The following AK5 variants were observed in gnomAD, a reference collection of about 807,000 sequenced individuals.
AK5 encodes adenylate kinase isoenzyme 5.
Under a neutral mutation model 69.5 loss-of-function variants are expected in AK5, and 27 were observed. The ratio of observed to expected loss-of-function variants is 0.39; its 90% CI spans 0.29 to 0.54. The LOEUF (loss-of-function observed/expected upper bound fraction) is 0.54. Among genes scored for constraint, AK5 ranks in the 20% least tolerant of loss-of-function variants. The probability of loss-of-function intolerance (pLI) is 0.71; values close to 1 mark genes in which losing one functional copy is unlikely to be tolerated. For synonymous variants in AK5, 260 were observed against 244.4 expected (o/e 1.06, Z -0.60); for missense variants, 531 against 700.4 (o/e 0.76, Z 2.73).
intron 8 of AK5, among the ~76,000 whole-genome samples, chr1:77,430,640 G>A (rs527456413): frequency 7.9e-5 from 12 of 152,126 alleles, no homozygotes; most frequent in East Asian, 1.9e-4. Context: ...GCTGAACACC[G>A]AGGAAATTTA....
At chr1:77,367,557 T>TATATA (rs1557532485) in intron 6 of AK5, among the ~76,000 whole-genome samples, 5 of 59,404 alleles carry the variant, frequency 8.4e-5, no homozygotes, top group African/African-American at 4.4e-4. Context: ...TATGTTATTT[T>TATATA]TATATATATA....
At chr1:77,513,694 G>A (rs139069717) in intron 10 of AK5, among the ~76,000 whole-genome samples, 378 of 152,252 alleles carry the variant, frequency 2.5e-3, no homozygotes, top group African/African-American at 8.7e-3. Flanking sequence ...ACAAAAATTA[G>A]CCAGGAGTGG....
At chr1:77,369,426 C>T (rs1647078451) in intron 6 of AK5, among the ~76,000 whole-genome samples, 1 of 152,072 alleles carries the variant, frequency 6.6e-6, no homozygotes. Context: ...GCAGATGCTC[C>T]TATTATTTTT....
chr1:77,381,666 C>G (rs138655475), intron 6 of AK5, among the ~76,000 whole-genome samples: 1 of 152,168 alleles, frequency 6.6e-6, no homozygotes, highest in Admixed American at 6.5e-5. Flanking sequence ...CAAAGGAAAT[C>G]TGAACAATTT....
intron 5 of AK5, among the ~76,000 whole-genome samples, chr1:77,300,617 T>A (rs879319483): frequency 1.3e-5 from 2 of 152,182 alleles, no homozygotes; most frequent in Admixed American, 6.5e-5. Flanking sequence ...ACACCAGTTC[T>A]CCAATTCTCC....
chr1:77,440,191 TG>T (rs1233396850), intron 8 of AK5, among the ~76,000 whole-genome samples: 1 of 152,192 alleles, frequency 6.6e-6, no homozygotes, highest in Non-Finnish European at 1.5e-5. Flanking sequence ...TCTCAGTTTT[TG>T]GTTGTCTGGG....
intron 5 of AK5, among the ~76,000 whole-genome samples, chr1:77,329,197 A>G (rs1402860681): frequency 6.8e-6 from 1 of 146,774 alleles, no homozygotes; most frequent in East Asian, 2.0e-4. Context: ...CCTCAGTGAA[A>G]AAAAAAAAAA....
chr1:77,285,638 T>G (rs957616626), intron 1 of AK5, among the ~76,000 whole-genome samples: 14 of 152,224 alleles, frequency 9.2e-5, no homozygotes, highest in African/African-American at 3.4e-4. Flanking sequence ...GGAATCAGCA[T>G]TTCCAAACTG....
At position 77,306,511 on chromosome 1, in the gene AK5, T is replaced by G. The variant is rs1296506081; in HGVS notation, c.699+8564T>G. Reference sequence around the variant, plus strand: ...TTTTTTTTGTTTTTTTTTTTTTTTTTGAGGATTTTTGCATCAGTATTCATC... The same window carrying G: ...TTTTTTTTGTTTTTTTTTTTTTTTTGGAGGATTTTTGCATCAGTATTCATC... On this transcript the variant is annotated intron_variant, in intron 5 of 13. Transcript: ENST00000354567. Among the ~76,000 whole-genome samples, 5 of 117,848 alleles carry G rather than the reference T, an allele frequency of 4.2e-5. No homozygotes were observed. In the East Asian group the frequency reaches 9.9e-4, roughly 23 times the overall value. 77.3% of individuals were successfully genotyped at this position (117,848 alleles called of 152,430 possible).
chr1:77,516,060 C>A (rs1453719642), intron 10 of AK5, among the ~76,000 whole-genome samples: 1 of 151,710 alleles, frequency 6.6e-6, no homozygotes, highest in East Asian at 1.9e-4. Context: ...CAGAGCAAGA[C>A]CCTATCTCAA....
chr1:77,503,899 C>CAA (rs147784897), intron 10 of AK5, among the ~76,000 whole-genome samples: 381 of 135,264 alleles, frequency 2.8e-3, no homozygotes, highest in South Asian at 0.011. Flanking sequence ...GAGACTGTCT[C>CAA]AAAAAAAAAA....
intron 10 of AK5, among the ~76,000 whole-genome samples, chr1:77,517,762 A>G (rs938682671): frequency 1.3e-5 from 2 of 152,202 alleles, no homozygotes; most frequent in Admixed American, 6.5e-5. Context: ...TAATCTTCAA[A>G]TGTGTCAAGG....
intron 8 of AK5, among the ~76,000 whole-genome samples, chr1:77,476,898 C>T (rs1231293535): frequency 8.9e-6 from 1 of 112,804 alleles, no homozygotes; most frequent in East Asian, 2.5e-4. Flanking sequence ...AGGTGTTTTG[C>T]TGTTTTTTTA....
rs915190101 is a variant in AK5, at chr1:77,308,456, A to C, written c.699+10509A>C. ...TGTCTCAAAAAAAAAAAAAAAAAAA[A>C]AATCTTTTTCTCATCTTTTGGCCTG... is the stretch of plus-strand genomic sequence containing the variant. On this transcript the variant is annotated intron_variant, in intron 5 of 13. Coordinates refer to ENST00000354567, the MANE Select transcript of AK5 (RefSeq NM_174858.3). 6.0e-3 allele frequency among the ~76,000 whole-genome samples: 764 copies of C among 127,594 alleles called. 11 individuals carry two copies. The highest frequency in any genetic ancestry group is 0.02 in the African/African-American group (708 of 35,368). The allele number at this position is 127,594 out of a possible 152,430, so 83.7% of individuals were successfully genotyped here. A position where few individuals can be genotyped will look rare whatever the true frequency, so the allele number is the denominator to read the frequency against.
chr1:77,538,933 T>C (rs1194005914), intron 13 of AK5, among the ~76,000 whole-genome samples: 1 of 152,246 alleles, frequency 6.6e-6, no homozygotes, highest in Non-Finnish European at 1.5e-5. Flanking sequence ...TTTAAAGATC[T>C]TCATTGGCTT....
chr1:77,382,360 T>C (rs1428766897), intron 6 of AK5, among the ~76,000 whole-genome samples: 2 of 152,074 alleles, frequency 1.3e-5, no homozygotes, highest in Non-Finnish European at 2.9e-5. Flanking sequence ...AAATTTTTCA[T>C]TTGTTTTAGA....
rs541392827 is a variant in AK5 at position 77,464,496 on chromosome 1, G to C, written c.1060-18821G>C. Among the ~76,000 whole-genome samples, 4 of 152,298 alleles carry C rather than the reference G, an allele frequency of 2.6e-5. No individual in the cohort carries two copies. In the East Asian group the frequency reaches 7.7e-4, roughly 29 times the overall value. The stretch of plus-strand genomic sequence containing the variant: ...TCCAGTGGGGGAAGAAGAGTGACTT[G>C]AGTTCAGTCTTAAAATGAGTCTTTT... On this transcript the variant is annotated intron_variant, in intron 8 of 13. Transcript: ENST00000354567.
At chr1:77,546,826 C>T (rs10782654) in intron 13 of AK5, among the ~76,000 whole-genome samples, 92,201 of 152,026 alleles carry the variant, frequency 0.61, 30,625 homozygotes, top group Non-Finnish European at 0.74. Context: ...GCACAGAGCT[C>T]GGGCCTGGGA....
chr1:77,353,153 A>G (rs1662302833), intron 6 of AK5, among the ~76,000 whole-genome samples: 1 of 152,166 alleles, frequency 6.6e-6, no homozygotes. Context: ...AACTATTTTA[A>G]TCACTCACCT....
Sources: gnomAD v4.1 joint callset for allele counts (sites outside exome capture counted in the v4.1 genomes callset) on GRCh38, gnomAD v4.1.1 for gene constraint, MANE v1.5 for transcripts, NCBI Gene and HGNC (gene_info 2026-07-23, HGNC 2026-07-21) for gene names.